FRG1: variants seen among roughly 807,000 people sequenced by gnomAD.
FRG1 encodes the protein protein FRG1.
FRG1 carries 19 observed loss-of-function variants against 37.0 expected under a neutral mutation model. The observed-to-expected ratio is 0.51, with a 90% confidence interval of 0.36 to 0.75. The LOEUF is 0.75. Ranked by LOEUF, FRG1 falls within the 30% of genes least tolerant of loss-of-function variation. The pLI is 0.00. For synonymous variants in FRG1, 73 were observed against 96.5 expected (o/e 0.76, Z 1.43); for missense variants, 243 against 301.4 (o/e 0.81, Z 1.44).
intron 1 of FRG1, chr4:189,942,061 G>A (rs531281652): frequency 1.5e-5 from 3 of 196,124 alleles, no homozygotes; most frequent in Middle Eastern, 9.7e-4. Context: ...GAGGAGAGGA[G>A]AGTTATCTTC....
intron 4 of FRG1, among the ~76,000 whole-genome samples, chr4:189,954,788 G>T (rs1426190757): frequency 6.6e-6 from 1 of 152,018 alleles, no homozygotes; most frequent in East Asian, 1.9e-4. Flanking sequence ...TAGAGATGGG[G>T]TCTCACTGTG....
intron 8 of FRG1, among the ~76,000 whole-genome samples, chr4:189,962,632 C>T (rs557590821): frequency 5.4e-4 from 82 of 152,090 alleles, no homozygotes; most frequent in African/African-American, 1.8e-3. Flanking sequence ...AGTGTTCATA[C>T]CTAAAGTCAG....
intron 5 of FRG1, among the ~76,000 whole-genome samples, chr4:189,956,429 T>C (rs1736985845): frequency 6.6e-6 from 1 of 152,228 alleles, no homozygotes; most frequent in Non-Finnish European, 1.5e-5. Context: ...TCGTTTCATT[T>C]TATTTTTAGG....
rs1260095523 is a variant in FRG1 at position 189,957,440 on chromosome 4, T to C, written c.475T>C (p.Cys159Arg). ...GGCCTCAAATAGCTGCTTTATTAGA[T>C]GCAATGAAGCAGGGGACATAGAAGC... ...LLASNSCFIR[C>R]NEAGDIEAKS... The change falls in exon 6 of 9, where the codon TGC becomes CGC. Residue 159 changes from cysteine (C) to arginine (R), a missense_variant. Physicochemically the swap from Cys to Arg is radical, Grantham distance 180. Around this residue, in one of 2 missense-constraint regions of FRG1, gnomAD observed 133 missense variants for 199.3 expected, o/e 0.67. Transcript: ENST00000226798. 12 of 1,612,446 alleles carry C rather than the reference T, an allele frequency of 7.4e-6. No individual in the cohort carries two copies. Among genetic ancestry groups the C allele is most frequent in the Non-Finnish European group, 1.0e-5 (12 of 1,179,152 alleles).
chr4:189,942,909 T>A (rs752921931), intron 1 of FRG1, among the ~76,000 whole-genome samples: 6 of 152,292 alleles, frequency 3.9e-5, no homozygotes, highest in South Asian at 2.1e-4. Flanking sequence ...GTGGGGAAAC[T>A]GACTCAGAGA....
intron 1 of FRG1, among the ~76,000 whole-genome samples, chr4:189,942,872 G>A (rs1736377592): frequency 2.0e-5 from 3 of 152,150 alleles, no homozygotes; most frequent in Admixed American, 2.0e-4. Context: ...TTAAGAGTTA[G>A]GTTAAGTTAC....
chr4:189,962,616 G>C (rs934931438), intron 8 of FRG1, among the ~76,000 whole-genome samples: 1 of 152,068 alleles, frequency 6.6e-6, no homozygotes, highest in African/African-American at 2.4e-5. Context: ...CTGTTAACTA[G>C]CTGGTAGTGT....
At chr4:189,961,772 T>G in intron 7 of FRG1, 50 bp from the exon 8 acceptor site, 2 of 759,756 alleles carry the variant, frequency 2.6e-6, no homozygotes, top group South Asian at 1.7e-5. Context: ...ATAGTAAATA[T>G]GTATAATCAG....
intron 2 of FRG1, among the ~76,000 whole-genome samples, chr4:189,950,451 G>A (rs1312265764): frequency 6.6e-6 from 1 of 152,088 alleles, no homozygotes; most frequent in Non-Finnish European, 1.5e-5. Flanking sequence ...CCAAATTCAT[G>A]TCGTGAAGCT....
At chr4:189,956,517 A>T (rs1736988613) in intron 5 of FRG1, among the ~76,000 whole-genome samples, 1 of 152,202 alleles carries the variant, frequency 6.6e-6, no homozygotes. Context: ...TCAGCTGAAT[A>T]ATCTGTGGCA....
At chr4:189,948,050 G>A (rs549542962) in intron 2 of FRG1, among the ~76,000 whole-genome samples, 1 of 152,248 alleles carries the variant, frequency 6.6e-6, no homozygotes, top group South Asian at 2.1e-4. Context: ...GGTCATGGTG[G>A]GAGGGCAAGT....
At position 189,947,359 on chromosome 4, in the gene FRG1, A is replaced by T. The variant is rs543770542; in HGVS notation, c.133+4087A>T. On this transcript the variant is annotated intron_variant, in intron 2 of 8. Transcript: ENST00000226798. Reference sequence around the variant, plus strand: ...CATTTAGGATTGTTAAGTCTTCCTTATAAATTCAGTCTTTCATTTTCATAA... The same window carrying T: ...CATTTAGGATTGTTAAGTCTTCCTTTTAAATTCAGTCTTTCATTTTCATAA... Among the ~76,000 whole-genome samples, 168 of 152,336 alleles carry T rather than the reference A, an allele frequency of 1.1e-3. 2 individuals carry two copies. Among genetic ancestry groups the T allele is most frequent in the African/African-American group, 3.9e-3 (164 of 41,560 alleles).
intron 6 of FRG1, among the ~76,000 whole-genome samples, chr4:189,957,752 C>T (rs6825497): frequency 0.03 from 4,492 of 152,208 alleles, 220 homozygotes; most frequent in African/African-American, 0.1. Flanking sequence ...GTATCTTCTT[C>T]TGGTAGTTCC....
rs1423013451 is a variant in FRG1, at chr4:189,945,984, TTG to T, written c.133+2716_133+2717del. On this transcript the variant is annotated intron_variant, in intron 2 of 8. Transcript: ENST00000226798. ...TTTCTGTTGTGTCAGTTTTGGCAAT[TTG>T]TGTCTTTTAAGAAAATTTCATCTAA... Among the ~76,000 whole-genome samples, 11 of 152,328 alleles carry T rather than the reference TTG, an allele frequency of 7.2e-5. No individual in the cohort carries two copies. The East Asian group carries it at 2.1e-3, about 29-fold the overall frequency.
intron 4 of FRG1, among the ~76,000 whole-genome samples, chr4:189,954,299 TAAG>T (rs1579635030): frequency 6.6e-6 from 1 of 152,150 alleles, no homozygotes; most frequent in African/African-American, 2.4e-5. Flanking sequence ...TTTGATGACA[TAAG>T]AACTTTATAC....
At chr4:189,950,872 G>T (rs1014171996) in intron 2 of FRG1, among the ~76,000 whole-genome samples, 1 of 151,960 alleles carries the variant, frequency 6.6e-6, no homozygotes, top group Non-Finnish European at 1.5e-5. Flanking sequence ...GTACATAAAC[G>T]TACATTTCTT....
At chr4:189,947,907 A>G (rs935197592) in intron 2 of FRG1, among the ~76,000 whole-genome samples, 4 of 152,256 alleles carry the variant, frequency 2.6e-5, no homozygotes, top group African/African-American at 9.6e-5. Context: ...GCCATTGGGC[A>G]GAAAACACAA....
In FRG1 at chr4:189,955,037, A is replaced by G. The variant is rs200322789; in HGVS notation, c.318A>G (p.Arg106=). The G allele has an allele frequency of 1.3e-6, 2 of 1,587,828 alleles. No individual in the cohort carries two copies. ...QFTAVKLSDS[R]IALKSGYGKY... ...TTTTATCTATGTTATTAATGTACAG[A>G]ATCGCCCTGAAGTCTGGCTATGGAA... The change falls in exon 5 of 9, where the codon AGA becomes AGG. Residue 106 remains arginine (R), a splice_region_variant and synonymous_variant. Transcript: ENST00000226798.
chr4:189,956,232 T>C (rs1479011950), intron 5 of FRG1, among the ~76,000 whole-genome samples: 1 of 152,002 alleles, frequency 6.6e-6, no homozygotes, highest in Admixed American at 6.6e-5. Context: ...CCGCCCCCCA[T>C]ACCGTACAGG....
Sources: allele counts gnomAD v4.1 joint callset (sites outside exome capture counted in the v4.1 genomes callset), GRCh38; gene constraint gnomAD v4.1.1; regional missense constraint gnomAD v4.1.1; transcripts MANE v1.5; gene names NCBI Gene and HGNC (gene_info 2026-07-23, HGNC 2026-07-21).